Variants in PTPRD observed in about 807,000 individuals in gnomAD.
PTPRD encodes receptor-type tyrosine-protein phosphatase delta.
PTPRD carries 34 observed loss-of-function variants against 214.5 expected under a neutral mutation model. The observed-to-expected ratio is 0.16, with a 90% confidence interval of 0.12 to 0.21. PTPRD has a LOEUF of 0.21. Ranked by LOEUF, PTPRD falls within the 10% of genes least tolerant of loss-of-function variation. PTPRD has a pLI of 1.00. For missense variants in PTPRD, 2,545 were observed against 2,398.7 expected, an observed-to-expected ratio of 1.06 and a Z score of -1.27; for synonymous variants, 1,128 against 845.7, an observed-to-expected ratio of 1.33 and a Z score of -5.79.
intron 8 of PTPRD, among the ~76,000 whole-genome samples, chr9:9,488,701 C>A (rs955981851): frequency 6.6e-6 from 1 of 152,182 alleles, no homozygotes; most frequent in Non-Finnish European, 1.5e-5. Flanking sequence ...CATTTTGGAA[C>A]TCTGCTGTCT....
intron 35 of PTPRD, among the ~76,000 whole-genome samples, chr9:8,405,499 A>C (rs923072439): frequency 2.0e-5 from 3 of 152,130 alleles, no homozygotes; most frequent in Admixed American, 2.0e-4. Flanking sequence ...TAATTTAAAA[A>C]TATTTAAGTA....
intron 10 of PTPRD, among the ~76,000 whole-genome samples, chr9:9,037,113 T>C (rs1373317017): frequency 3.9e-5 from 6 of 152,134 alleles, no homozygotes; most frequent in Non-Finnish European, 8.8e-5. Flanking sequence ...ACTCACTCCG[T>C]GCCTGGAATC....
chr9:10,432,716 G>A (rs1420082274), intron 2 of PTPRD, among the ~76,000 whole-genome samples: 2 of 151,922 alleles, frequency 1.3e-5, no homozygotes, highest in Non-Finnish European at 2.9e-5. Context: ...AACGTTAAAT[G>A]TTTTATAATG....
intron 12 of PTPRD, among the ~76,000 whole-genome samples, chr9:8,694,718 A>C (rs2097872886): frequency 6.6e-6 from 1 of 152,258 alleles, no homozygotes; most frequent in South Asian, 2.1e-4. Context: ...TTTAAGCTGC[A>C]TATAATAAAT....
At chr9:10,416,706 A>T (rs1185166039) in intron 2 of PTPRD, among the ~76,000 whole-genome samples, 1 of 151,892 alleles carries the variant, frequency 6.6e-6, no homozygotes, top group Admixed American at 6.6e-5. Flanking sequence ...GGTATCTAGT[A>T]CCGTAATAGA....
At chr9:10,595,563 T>TACAGAGTC (rs1232009910) in intron 2 of PTPRD, among the ~76,000 whole-genome samples, 1 of 151,682 alleles carries the variant, frequency 6.6e-6, no homozygotes, top group Non-Finnish European at 1.5e-5. Flanking sequence ...GCTACACAGA[T>TACAGAGTC]ACAGAGTCAC....
At chr9:9,490,413 T>G (rs1404506652) in intron 8 of PTPRD, among the ~76,000 whole-genome samples, 1 of 152,118 alleles carries the variant, frequency 6.6e-6, no homozygotes, top group Non-Finnish European at 1.5e-5. Context: ...TCCACACAAT[T>G]TAATGAACTA....
intron 10 of PTPRD, among the ~76,000 whole-genome samples, chr9:9,024,338 G>GTTTTTTTTTTTTTTTTTT (rs746383829): frequency 1.6e-5 from 1 of 61,346 alleles, no homozygotes; most frequent in African/African-American, 5.4e-5. Flanking sequence ...TCGATTCTTT[G>GTTTTTTTTTTTTTTTTTT]TTTTTTTTTG....
At chr9:9,509,057 T>G (rs1441270459) in intron 8 of PTPRD, among the ~76,000 whole-genome samples, 1 of 151,378 alleles carries the variant, frequency 6.6e-6, no homozygotes, top group Non-Finnish European at 1.5e-5. Context: ...TCTTATAAAT[T>G]ATTAAAATAC....
chr9:9,974,923 G>C (rs981082093), intron 4 of PTPRD, among the ~76,000 whole-genome samples: 1 of 152,168 alleles, frequency 6.6e-6, no homozygotes, highest in African/African-American at 2.4e-5. Context: ...TTATTTCTGA[G>C]ATATTTATAG....
intron 7 of PTPRD, among the ~76,000 whole-genome samples, chr9:9,689,949 G>T (rs976533507): frequency 2.0e-5 from 3 of 151,840 alleles, no homozygotes; most frequent in Admixed American, 6.6e-5. Flanking sequence ...ATAAACATGG[G>T]AGTGCAGATC....
chr9:9,739,142 T>G (rs1394730681), intron 6 of PTPRD, among the ~76,000 whole-genome samples: 1 of 152,220 alleles, frequency 6.6e-6, no homozygotes, highest in Non-Finnish European at 1.5e-5. Context: ...GGCATGCATG[T>G]GTGTATGCAT....
At chr9:9,389,937 G>A (rs2065212133) in intron 9 of PTPRD, among the ~76,000 whole-genome samples, 1 of 152,164 alleles carries the variant, frequency 6.6e-6, no homozygotes, top group African/African-American at 2.4e-5. Context: ...ATTTATCAAA[G>A]GCAAGGTAGG....
At chr9:8,330,462 A>G (rs1159210280) in intron 44 of PTPRD, among the ~76,000 whole-genome samples, 1 of 152,184 alleles carries the variant, frequency 6.6e-6, no homozygotes, top group Non-Finnish European at 1.5e-5. Context: ...GTAATCTGGA[A>G]CTAAACTCCC....
intron 9 of PTPRD, among the ~76,000 whole-genome samples, chr9:9,239,454 C>G (rs766036723): frequency 7.2e-5 from 11 of 151,998 alleles, no homozygotes; most frequent in Non-Finnish European, 1.5e-4. Context: ...TAAATCGAAC[C>G]TAAGAGCAGA....
At chr9:10,562,199 T>G (rs1031805513) in intron 2 of PTPRD, among the ~76,000 whole-genome samples, 6 of 152,160 alleles carry the variant, frequency 3.9e-5, no homozygotes, top group Non-Finnish European at 5.9e-5. Flanking sequence ...TATAAATCAC[T>G]CTGCCAAGTG....
At chr9:9,139,744 C>A (rs1458382923) in intron 10 of PTPRD, among the ~76,000 whole-genome samples, 1 of 152,112 alleles carries the variant, frequency 6.6e-6, no homozygotes, top group Non-Finnish European at 1.5e-5. Context: ...TATTTTCAGA[C>A]CATGGTTGAC....
intron 2 of PTPRD, among the ~76,000 whole-genome samples, chr9:10,464,834 G>C (rs190096757): frequency 1.3e-5 from 2 of 151,938 alleles, no homozygotes; most frequent in Non-Finnish European, 2.9e-5. Flanking sequence ...AAAATTCCAG[G>C]TGAAAATTTG....
chr9:9,386,472 C>G (rs1216925562), intron 9 of PTPRD, among the ~76,000 whole-genome samples: 2 of 152,094 alleles, frequency 1.3e-5, no homozygotes, highest in African/African-American at 2.4e-5. Context: ...ATTAGCCTTT[C>G]TGGAAGCTTC....
Sources: allele counts gnomAD v4.1 joint callset (sites outside exome capture counted in the v4.1 genomes callset), GRCh38; gene constraint gnomAD v4.1.1; transcripts MANE v1.5; gene names NCBI Gene and HGNC (gene_info 2026-07-23, HGNC 2026-07-21).